Variants in NAT10 observed in about 807,000 individuals in gnomAD.
The protein encoded by NAT10 is RNA cytidine acetyltransferase.
Under a neutral mutation model 132.2 loss-of-function variants are expected in NAT10, and 109 were observed. The observed-to-expected ratio is 0.82, with a 90% CI of 0.71 to 0.97. The LOEUF is 0.97. Ranked by LOEUF, NAT10 falls within the 50% of genes least tolerant of loss-of-function variation. The pLI is 0.00. For missense variants in NAT10, 1,184 were observed against 1,263.4 expected (o/e 0.94, Z 0.95); for synonymous variants, 479 against 478.0 (o/e 1.00, Z -0.03).
At chr11:34,134,732 G>A (rs1479547830) in intron 18 of NAT10, 146 bp downstream of exon 18, 3 of 729,630 alleles carry the variant, frequency 4.1e-6, no homozygotes, top group African/African-American at 3.4e-5. Flanking sequence ...GCCAGGGTTC[G>A]GGGTGGGTGG....
chr11:34,126,546 C>A (rs1851997472), intron 11 of NAT10, among the ~76,000 whole-genome samples: 1 of 152,206 alleles, frequency 6.6e-6, no homozygotes, highest in Admixed American at 6.5e-5. Context: ...TTCCAGCTTG[C>A]TTAAAATTTG....
intron 1 of NAT10, 136 bp downstream of exon 1, chr11:34,105,928 CCT>C (rs1283717037): frequency 1.3e-5 from 2 of 152,332 alleles, no homozygotes; most frequent in African/African-American, 4.8e-5. Flanking sequence ...GTCCTCCACC[CCT>C]CTTTTGGGGC....
rs1852374363 is a variant in NAT10 at position 34,143,312 on chromosome 11, A to G, written c.2886-133A>G. 4.0e-6 allele frequency: 3 copies of G among 745,720 alleles called. No homozygotes were observed. In the East Asian group the frequency reaches 8.4e-5, roughly 21 times the overall value. 46.2% of individuals were successfully genotyped at this position (745,720 alleles called of 1,614,324 possible). A position where few individuals can be genotyped will look rare whatever the true frequency, so the allele number is the denominator to read the frequency against. ...GTCCCCTCTGTCCTTTCTGCTGTTC[A>G]AATGCTGACACAGCTCAGCCTGGCT... On this transcript the variant is annotated intron_variant, in intron 27 of 28. Coordinates refer to ENST00000257829, the MANE Select transcript of NAT10 (RefSeq NM_024662.3).
At chr11:34,111,555 A>G (rs766039001) in intron 3 of NAT10, among the ~76,000 whole-genome samples, 1 of 152,180 alleles carries the variant, frequency 6.6e-6, no homozygotes, top group Non-Finnish European at 1.5e-5. Context: ...CTGTATCATT[A>G]TTGTCTTATG....
At position 34,118,498 on chromosome 11, in the gene NAT10, G is replaced by T. The variant is rs750603371; in HGVS notation, c.775G>T (p.Asp259Tyr). The T allele has an allele frequency of 6.2e-7, 1 of 1,612,866 alleles. No homozygotes were observed. ...GTTGGTGGACTGCTGTAAGACTCTA[G>T]ACCAGGTGAGTGTGGTGCTCAGCAC... ...GVLVDCCKTL[D>Y]QAKAVLKFIE... The change falls in exon 8 of 29, where the codon GAC (aspartate) becomes TAC (tyrosine). Residue 259 changes from aspartate (D) to tyrosine (Y), a missense_variant. Physicochemically the swap from Asp to Tyr is radical, Grantham distance 160. Transcript: ENST00000257829.
Position 34,111,182 on chromosome 11 carries a change from C to G in NAT10, c.201-870C>G, listed in dbSNP as rs1010799516. 4.6e-5 allele frequency among the ~76,000 whole-genome samples: 7 copies of G among 152,214 alleles called. No individual in the cohort carries two copies. The East Asian group carries it at 1.4e-3, about 29-fold the overall frequency. On this transcript the variant is annotated intron_variant, in intron 3 of 28. Coordinates refer to ENST00000257829, the MANE Select transcript of NAT10 (RefSeq NM_024662.3). ...CTTCTAAAAATCTACTTTTGTACCT[C>G]TTATAGCTCTTCTGCCCCACCCCTG...
chr11:34,144,369 C>CT (rs1177130036), intron 28 of NAT10, among the ~76,000 whole-genome samples: 1 of 152,126 alleles, frequency 6.6e-6, no homozygotes, highest in African/African-American at 2.4e-5. Flanking sequence ...GAAAAATACT[C>CT]TTTTTCATAA....
chr11:34,126,696 T>C (rs926294564), intron 11 of NAT10, among the ~76,000 whole-genome samples: 1 of 152,250 alleles, frequency 6.6e-6, no homozygotes, highest in Non-Finnish European at 1.5e-5. Context: ...CCCTGCTGTC[T>C]TTAGCATTTC....
At chr11:34,133,219 G>T (rs1852137420) in intron 16 of NAT10, 77 bp downstream of exon 16, 11 of 1,122,592 alleles carry the variant, frequency 9.8e-6, no homozygotes, top group Non-Finnish European at 1.5e-5. Flanking sequence ...CTTAATAACT[G>T]CATTGTGGGA....
intron 4 of NAT10, among the ~76,000 whole-genome samples, chr11:34,112,449 C>G (rs1851712276): frequency 6.6e-6 from 1 of 152,256 alleles, no homozygotes; most frequent in Non-Finnish European, 1.5e-5. Context: ...GACACCAGAA[C>G]TGAAGTGATG....
intron 12 of NAT10, among the ~76,000 whole-genome samples, chr11:34,130,199 T>C (rs1852080170): frequency 6.6e-6 from 1 of 152,212 alleles, no homozygotes; most frequent in Non-Finnish European, 1.5e-5. Flanking sequence ...AACTCAACAA[T>C]GAAAGCTGAT....
At chr11:34,111,902 T>C (rs1164430180) in intron 3 of NAT10, 150 bp from the exon 4 acceptor site, 1 of 802,574 alleles carries the variant, frequency 1.2e-6, no homozygotes, top group Non-Finnish European at 2.0e-6. Flanking sequence ...GCCTCTCCAC[T>C]GCCCTCCACC....
intron 11 of NAT10, 26 bp from the exon 12 acceptor site, chr11:34,127,437 A>T: frequency 3.8e-6 from 6 of 1,582,548 alleles, no homozygotes; most frequent in African/African-American, 2.7e-5. Flanking sequence ...CACTATGCTA[A>T]TAATCTAAAT....
chr11:34,145,496 G>A (rs559512078), intron 28 of NAT10, among the ~76,000 whole-genome samples: 12 of 152,294 alleles, frequency 7.9e-5, no homozygotes, highest in South Asian at 6.2e-4. Context: ...GCAGGTGGCC[G>A]TTTGCTGAGT....
intron 3 of NAT10, among the ~76,000 whole-genome samples, chr11:34,109,359 A>G (rs887185217): frequency 8.5e-5 from 13 of 152,220 alleles, no homozygotes; most frequent in African/African-American, 2.9e-4. Context: ...GATTACTTAC[A>G]TACCCAGATT....
At chr11:34,132,527 C>T (rs1852124345) in intron 15 of NAT10, among the ~76,000 whole-genome samples, 1 of 152,142 alleles carries the variant, frequency 6.6e-6, no homozygotes, top group South Asian at 2.1e-4. Flanking sequence ...CTGAGACCAG[C>T]TTTATAGCTC....
intron 19 of NAT10, 53 bp from the exon 20 acceptor site, chr11:34,136,589 T>G: frequency 6.2e-7 from 1 of 1,609,200 alleles, no homozygotes; most frequent in Non-Finnish European, 8.5e-7. Flanking sequence ...TGCTTGACGA[T>G]GTCTCTCTCC....
At position 34,131,384 on chromosome 11, in the gene NAT10, G is replaced by A. The variant is rs770678197; in HGVS notation, c.1373G>A (p.Arg458Gln). The change falls in exon 14 of 29, where the codon CGG (arginine) becomes CAG (glutamine). Residue 458 changes from arginine to glutamine, a missense_variant. Arg to Gln is a conservative substitution (Grantham distance 43, BLOSUM62 1). Coordinates refer to ENST00000257829, the MANE Select transcript of NAT10 (RefSeq NM_024662.3). Reference sequence around the variant, plus strand: ...TGTGTGTGATTGTGGGGAGCAGCGCGGACACTGTATGAGGTTTCCCTCCAG... The same window carrying A: ...TGTGTGTGATTGTGGGGAGCAGCGCAGACACTGTATGAGGTTTCCCTCCAG... ...TTTTARLASA[R>Q]TLYEVSLQES... 47 of 1,612,286 alleles carry A rather than the reference G, an allele frequency of 2.9e-5. No homozygotes were observed. Among genetic ancestry groups the A allele is most frequent in the Non-Finnish European group, 3.7e-5 (44 of 1,179,126 alleles).
intron 16 of NAT10, among the ~76,000 whole-genome samples, chr11:34,133,374 C>T (rs76371333): frequency 6.6e-6 from 1 of 152,162 alleles, no homozygotes; most frequent in South Asian, 2.1e-4. Context: ...ACCGACCGCT[C>T]TCTTATTTTG....
Sources: allele counts gnomAD v4.1 joint callset (sites outside exome capture counted in the v4.1 genomes callset), GRCh38; gene constraint gnomAD v4.1.1; transcripts MANE v1.5; gene names NCBI Gene and HGNC (gene_info 2026-07-23, HGNC 2026-07-21).